Variants in RBFOX1 observed in about 807,000 individuals in gnomAD.
The protein encoded by RBFOX1 is RNA binding protein fox-1 homolog 1.
Under a neutral mutation model 57.7 loss-of-function variants are expected in RBFOX1, and 8 were observed. The ratio of observed to expected loss-of-function variants is 0.14; its 90% CI spans 0.08 to 0.25. The LOEUF (loss-of-function observed/expected upper bound fraction) is 0.25, where lower values mean the gene tolerates loss of function less well. Ranked by LOEUF, RBFOX1 falls within the 10% of genes least tolerant of loss-of-function variation. The probability of loss-of-function intolerance (pLI) is 1.00; values close to 1 mark genes in which losing one functional copy is unlikely to be tolerated. For synonymous variants in RBFOX1, 326 were observed against 222.4 expected, an observed-to-expected ratio of 1.47 and a Z score of -4.15; for missense variants, 611 against 548.5, an observed-to-expected ratio of 1.11 and a Z score of -1.14.
intron 11 of RBFOX1, among the ~76,000 whole-genome samples, chr16:7,644,081 A>G (rs1176551571): frequency 6.6e-6 from 1 of 152,158 alleles, no homozygotes; most frequent in Non-Finnish European, 1.5e-5. Flanking sequence ...AAGCAGAGAG[A>G]GAGTAGAAGT....
intron 4 of RBFOX1, among the ~76,000 whole-genome samples, chr16:5,997,351 G>C (rs192903120): frequency 7.9e-5 from 12 of 152,320 alleles, no homozygotes; most frequent in Admixed American, 7.2e-4. Context: ...TCTAGGGCAA[G>C]GTACTTTGGT....
rs751721392 is a variant in RBFOX1 at position 7,336,394 on chromosome 16, A to T, written c.28-181753A>T. Reference sequence around the variant, plus strand: ...GCCAAGTCACTTTCACTATTGGACAAATCGTTCCCATTTCATCCAGGTCTG... The same window carrying T: ...GCCAAGTCACTTTCACTATTGGACATATCGTTCCCATTTCATCCAGGTCTG... On this transcript the variant is annotated intron_variant, in intron 4 of 15. Transcript: ENST00000550418. Among the ~76,000 whole-genome samples, 48 of 152,350 alleles carry T rather than the reference A, an allele frequency of 3.2e-4. No homozygotes were observed. In the Middle Eastern group the frequency reaches 0.01, roughly 32 times the overall value.
At chr16:7,369,749 C>T (rs1385457773) in intron 4 of RBFOX1, among the ~76,000 whole-genome samples, 1 of 152,116 alleles carries the variant, frequency 6.6e-6, no homozygotes, top group Non-Finnish European at 1.5e-5. Context: ...TGTTGTGCTT[C>T]TGTTTTGTAA....
chr16:6,655,728 C>A (rs550148216), intron 3 of RBFOX1, among the ~76,000 whole-genome samples: 44 of 152,136 alleles, frequency 2.9e-4, no homozygotes, highest in Non-Finnish European at 1.3e-4. Context: ...AGAGTACATA[C>A]CTCCTGGCTA....
chr16:7,386,345 C>G (rs2097880990), intron 4 of RBFOX1, among the ~76,000 whole-genome samples: 2 of 152,102 alleles, frequency 1.3e-5, no homozygotes, highest in Admixed American at 1.3e-4. Flanking sequence ...ACCCCGTCAT[C>G]TACATTAGAT....
intron 3 of RBFOX1, among the ~76,000 whole-genome samples, chr16:6,801,770 A>C (rs1165964271): frequency 2.6e-5 from 4 of 152,094 alleles, no homozygotes; most frequent in African/African-American, 9.7e-5. Flanking sequence ...AGGTCTGGAA[A>C]ATATTGCCAG....
chr16:6,255,364 C>A (rs558140911), intron 1 of RBFOX1, among the ~76,000 whole-genome samples: 2 of 151,960 alleles, frequency 1.3e-5, no homozygotes, highest in African/African-American at 4.8e-5. Flanking sequence ...AGATGAGATG[C>A]GAAAGGATGG....
intron 3 of RBFOX1, among the ~76,000 whole-genome samples, chr16:5,856,980 T>G (rs770426398): frequency 6.6e-6 from 1 of 152,162 alleles, no homozygotes; most frequent in Non-Finnish European, 1.5e-5. Context: ...GATAACTGTT[T>G]GGGGGAAGAG....
At chr16:7,259,677 G>C (rs994360664) in intron 4 of RBFOX1, among the ~76,000 whole-genome samples, 6 of 152,054 alleles carry the variant, frequency 3.9e-5, no homozygotes, top group African/African-American at 9.7e-5. Flanking sequence ...ACTAACTTGA[G>C]AGGTGACTGT....
intron 3 of RBFOX1, among the ~76,000 whole-genome samples, chr16:6,767,953 G>T (rs79224179): frequency 0.17 from 15,315 of 89,392 alleles, 996 homozygotes; most frequent in East Asian, 0.24. Flanking sequence ...ATAATAAGAA[G>T]AAGAAGAAGA....
chr16:6,114,577 G>GT (rs2096479806), intron 1 of RBFOX1, among the ~76,000 whole-genome samples: 1 of 151,572 alleles, frequency 6.6e-6, no homozygotes, highest in Admixed American at 6.6e-5. Context: ...TGGAGGGGGC[G>GT]TAACTTATGG....
intron 3 of RBFOX1, among the ~76,000 whole-genome samples, chr16:6,954,540 A>C (rs1162370847): frequency 6.6e-6 from 1 of 152,186 alleles, no homozygotes; most frequent in Non-Finnish European, 1.5e-5. Flanking sequence ...ATACATGCCA[A>C]CTGTCCTCAC....
Position 6,891,508 on chromosome 16 carries a change from C to T in RBFOX1, c.-15-160549C>T, listed in dbSNP as rs118128166. On this transcript the variant is annotated intron_variant, in intron 3 of 15. Transcript: ENST00000550418. ...GAGGAGAGGAGAGGGGAAGATATAT[C>T]AGCTACATAAACTTCCCAGTCCTGC... Among the ~76,000 whole-genome samples, 10 of 152,062 alleles carry T rather than the reference C, an allele frequency of 6.6e-5. 2 individuals carry two copies. Among genetic ancestry groups the T allele is most frequent in the East Asian group, 1.9e-4 (1 of 5,148 alleles).
At chr16:7,155,267 C>A (rs985297046) in intron 4 of RBFOX1, among the ~76,000 whole-genome samples, 2 of 151,832 alleles carry the variant, frequency 1.3e-5, no homozygotes, top group Admixed American at 1.3e-4. Flanking sequence ...CTTTAGAGTT[C>A]CAGAATAGCA....
intron 4 of RBFOX1, among the ~76,000 whole-genome samples, chr16:7,228,363 C>G (rs1040603113): frequency 2.0e-5 from 3 of 152,068 alleles, no homozygotes; most frequent in African/African-American, 7.2e-5. Context: ...TCCTACTACC[C>G]CCCGCTGTCA....
chr16:6,660,000 G>A (rs1479598133), intron 3 of RBFOX1, among the ~76,000 whole-genome samples: 1 of 152,038 alleles, frequency 6.6e-6, no homozygotes, highest in East Asian at 1.9e-4. Flanking sequence ...GGAGGGTGAG[G>A]CGGCCTCCAA....
chr16:7,045,272 G>T (rs1478137131), intron 3 of RBFOX1, among the ~76,000 whole-genome samples: 2 of 152,106 alleles, frequency 1.3e-5, no homozygotes, highest in East Asian at 1.9e-4. Context: ...TGGAACAGGT[G>T]CATGACCCAA....
intron 1 of RBFOX1, among the ~76,000 whole-genome samples, chr16:6,241,991 G>A (rs1300262102): frequency 6.6e-6 from 1 of 152,048 alleles, no homozygotes; most frequent in Non-Finnish European, 1.5e-5. Flanking sequence ...AAACAGAAAA[G>A]AACATTCATA....
rs989373483 is a variant in RBFOX1 at position 7,202,203 on chromosome 16, A to G, written c.27+150105A>G. ...ACATAAACAAATGGCCAATAAGCAC[A>G]TGAAAAAAGATGCTCAACATCATTA... On this transcript the variant is annotated intron_variant, in intron 4 of 15. Coordinates refer to ENST00000550418, the MANE Select transcript of RBFOX1 (RefSeq NM_018723.4). Among the ~76,000 whole-genome samples the G allele has an allele frequency of 6.6e-5, 10 of 152,258 alleles. 1 individual carries two copies. The South Asian group carries it at 1.7e-3, about 25-fold the overall frequency.
Sources: gnomAD v4.1 joint callset for allele counts (sites outside exome capture counted in the v4.1 genomes callset) on GRCh38, gnomAD v4.1.1 for gene constraint, MANE v1.5 for transcripts, NCBI Gene and HGNC (gene_info 2026-07-23, HGNC 2026-07-21) for gene names.